AEBP2: variants seen among roughly 807,000 people sequenced by gnomAD.
AEBP2 encodes AE binding protein 2, also known as zinc finger protein AEBP2.
AEBP2 carries 10 observed loss-of-function variants against 50.8 expected under a neutral mutation model. The observed-to-expected ratio is 0.20, with a 90% CI of 0.12 to 0.33. AEBP2 has a LOEUF of 0.33. Among genes scored for constraint, AEBP2 ranks in the 10% least tolerant of loss-of-function variants. The pLI is 1.00. For synonymous variants in AEBP2, 296 were observed against 261.3 expected (o/e 1.13, Z -1.28); for missense variants, 570 against 688.0 (o/e 0.83, Z 1.92).
At chr12:19,476,053 G>T (rs1948645310) in intron 3 of AEBP2, among the ~76,000 whole-genome samples, 1 of 152,084 alleles carries the variant, frequency 6.6e-6, no homozygotes. Flanking sequence ...ATGTGCAGAA[G>T]CTTTTTAGTT....
intron 5 of AEBP2, among the ~76,000 whole-genome samples, chr12:19,507,523 T>C (rs1183156244): frequency 1.3e-5 from 2 of 152,186 alleles, no homozygotes; most frequent in Admixed American, 6.5e-5. Context: ...CTGAGAGGGC[T>C]TAAGAACATT....
chr12:19,482,616 C>T (rs951997816), intron 3 of AEBP2, among the ~76,000 whole-genome samples: 3 of 152,114 alleles, frequency 2.0e-5, no homozygotes, highest in African/African-American at 7.2e-5. Context: ...CCTAAGTTGG[C>T]CTGGGCAAGT....
intron 1 of AEBP2, chr12:19,446,195 C>T (rs1343108503): frequency 3.3e-5 from 5 of 152,184 alleles, no homozygotes; most frequent in Admixed American, 1.3e-4. Context: ...TACTAAGACC[C>T]ATTGCGCCCC....
chr12:19,414,659 G>A (rs1390693183), intron 1 of AEBP2, among the ~76,000 whole-genome samples: 1 of 152,136 alleles, frequency 6.6e-6, no homozygotes, highest in African/African-American at 2.4e-5. Context: ...ACAATGAAGA[G>A]CTTGGGGACC....
At chr12:19,492,405 G>A (rs1355122078) in intron 3 of AEBP2, among the ~76,000 whole-genome samples, 2 of 152,076 alleles carry the variant, frequency 1.3e-5, no homozygotes, top group Admixed American at 1.3e-4. Context: ...CAGGTGACTC[G>A]GGTAGTTAAC....
At chr12:19,407,011 A>G (rs2095736652) in intron 1 of AEBP2, among the ~76,000 whole-genome samples, 1 of 152,202 alleles carries the variant, frequency 6.6e-6, no homozygotes, top group Admixed American at 6.6e-5. Flanking sequence ...ACGTTTAAAA[A>G]AATGTAAAGA....
intron 1 of AEBP2, among the ~76,000 whole-genome samples, chr12:19,447,311 T>C (rs1267755412): frequency 1.3e-5 from 2 of 152,222 alleles, no homozygotes; most frequent in Non-Finnish European, 1.5e-5. Context: ...TTGTTAGACA[T>C]ATTGTCAGCA....
At chr12:19,484,925 G>A (rs956764211) in intron 3 of AEBP2, among the ~76,000 whole-genome samples, 17 of 152,242 alleles carry the variant, frequency 1.1e-4, no homozygotes, top group Admixed American at 7.8e-4. Flanking sequence ...GATCTTGGCC[G>A]TGACATTTGC....
intron 2 of AEBP2, among the ~76,000 whole-genome samples, chr12:19,470,842 T>A (rs1010903827): frequency 1.3e-5 from 2 of 152,176 alleles, no homozygotes; most frequent in African/African-American, 4.8e-5. Flanking sequence ...GGGGGTCACT[T>A]AAGAATCCTT....
chr12:19,509,511 TG>T (rs1949201415), intron 5 of AEBP2, among the ~76,000 whole-genome samples: 1 of 152,136 alleles, frequency 6.6e-6, no homozygotes, highest in Admixed American at 6.6e-5. Context: ...CTTGGGAGGC[TG>T]AGGTAGGCAG....
chr12:19,434,296 C>T (rs1405029962), intron 1 of AEBP2, among the ~76,000 whole-genome samples: 1 of 151,714 alleles, frequency 6.6e-6, no homozygotes, highest in Non-Finnish European at 1.5e-5. Context: ...GCCTCAGCCT[C>T]CCGAGTAGCT....
At chr12:19,417,456 G>A (rs2095743223) in intron 1 of AEBP2, among the ~76,000 whole-genome samples, 1 of 152,018 alleles carries the variant, frequency 6.6e-6, no homozygotes, top group African/African-American at 2.4e-5. Context: ...ACCCAGGCTG[G>A]AGTGCAGTCA....
At chr12:19,430,733 G>T (rs1189970769) in intron 1 of AEBP2, among the ~76,000 whole-genome samples, 1 of 152,114 alleles carries the variant, frequency 6.6e-6, no homozygotes, top group Non-Finnish European at 1.5e-5. Context: ...TATTCTCTTT[G>T]AAGCAATTGT....
At chr12:19,411,508 A>G (rs2095739207) in intron 1 of AEBP2, among the ~76,000 whole-genome samples, 1 of 152,140 alleles carries the variant, frequency 6.6e-6, no homozygotes, top group Non-Finnish European at 1.5e-5. Flanking sequence ...CATTTTGGCC[A>G]GGGCCTTTTT....
At chr12:19,409,556 G>A (rs1188069594) in intron 1 of AEBP2, among the ~76,000 whole-genome samples, 1 of 152,180 alleles carries the variant, frequency 6.6e-6, no homozygotes, top group African/African-American at 2.4e-5. Flanking sequence ...GGAAGAGCTG[G>A]CTCATTTTCC....
At chr12:19,447,441 G>A (rs570222492) in intron 1 of AEBP2, among the ~76,000 whole-genome samples, 2 of 152,238 alleles carry the variant, frequency 1.3e-5, no homozygotes, top group South Asian at 4.1e-4. Flanking sequence ...CACTTTATCT[G>A]TAGCACCTGG....
At chr12:19,505,683 C>G (rs913737658) in intron 5 of AEBP2, among the ~76,000 whole-genome samples, 2 of 152,296 alleles carry the variant, frequency 1.3e-5, no homozygotes, top group African/African-American at 4.8e-5. Context: ...TAGGCAGAAC[C>G]TTGGTGGACT....
At chr12:19,409,708 A>G (rs1351285122) in intron 1 of AEBP2, among the ~76,000 whole-genome samples, 2 of 152,220 alleles carry the variant, frequency 1.3e-5, no homozygotes, top group Non-Finnish European at 2.9e-5. Context: ...TTTAATTTAT[A>G]TACCATTTGA....
chr12:19,502,790 A>G (rs1004964979), intron 5 of AEBP2, among the ~76,000 whole-genome samples: 1 of 151,994 alleles, frequency 6.6e-6, no homozygotes, highest in Non-Finnish European at 1.5e-5. Flanking sequence ...CTGGGATTAC[A>G]GGCGTGTACC....
Sources: allele counts gnomAD v4.1 joint callset (sites outside exome capture counted in the v4.1 genomes callset), GRCh38; gene constraint gnomAD v4.1.1; transcripts MANE v1.5; gene names NCBI Gene and HGNC (gene_info 2026-07-23, HGNC 2026-07-21).